The following RBFOX1 variants were observed in gnomAD, a reference collection of about 807,000 sequenced individuals.
The protein encoded by RBFOX1 is RNA binding protein fox-1 homolog 1.
A neutral mutation model predicts 57.7 loss-of-function variants in RBFOX1; 8 were observed. The observed-to-expected ratio is 0.14, with a 90% CI of 0.08 to 0.25. RBFOX1 has a LOEUF of 0.25. RBFOX1 is among the 10% of genes least tolerant of loss of function. RBFOX1 has a pLI of 1.00. For missense variants in RBFOX1, 611 were observed against 548.5 expected, an observed-to-expected ratio of 1.11 and a Z score of -1.14; for synonymous variants, 326 against 222.4, an observed-to-expected ratio of 1.47 and a Z score of -4.15.
At chr16:6,242,744 A>G (rs1352898479) in intron 1 of RBFOX1, among the ~76,000 whole-genome samples, 5 of 151,968 alleles carry the variant, frequency 3.3e-5, no homozygotes, top group Non-Finnish European at 7.4e-5. Flanking sequence ...AAACTAGGGA[A>G]GAGAGAGGTT....
intron 4 of RBFOX1, among the ~76,000 whole-genome samples, chr16:7,102,271 G>A (rs2062826608): frequency 6.6e-6 from 1 of 152,088 alleles, no homozygotes; most frequent in African/African-American, 2.4e-5. Context: ...CTTTGTATAG[G>A]AACTCCATTC....
chr16:7,660,608 G>C (rs934291318), intron 12 of RBFOX1, among the ~76,000 whole-genome samples: 3 of 152,318 alleles, frequency 2.0e-5, no homozygotes, highest in Middle Eastern at 3.4e-3. Context: ...CTGACCTTCA[G>C]TTTTGTCTCA....
chr16:6,280,591 A>ATG (rs770767560), intron 1 of RBFOX1, among the ~76,000 whole-genome samples: 2 of 152,154 alleles, frequency 1.3e-5, no homozygotes, highest in Non-Finnish European at 2.9e-5. Context: ...AGACAATGTA[A>ATG]TGTCGCAGTA....
intron 4 of RBFOX1, among the ~76,000 whole-genome samples, chr16:7,347,007 G>C (rs1368469886): frequency 6.6e-6 from 1 of 152,152 alleles, no homozygotes; most frequent in Admixed American, 6.6e-5. Flanking sequence ...AAAGAAAAAA[G>C]TCAAGCCAAG....
At chr16:7,019,695 G>T (rs543062813) in intron 3 of RBFOX1, among the ~76,000 whole-genome samples, 1 of 152,180 alleles carries the variant, frequency 6.6e-6, no homozygotes, top group African/African-American at 2.4e-5. Context: ...AAAAAAGTAA[G>T]GAAGTGAATC....
chr16:7,591,937 G>A (rs573791535), intron 7 of RBFOX1, among the ~76,000 whole-genome samples: 1 of 152,236 alleles, frequency 6.6e-6, no homozygotes, highest in Admixed American at 6.5e-5. Flanking sequence ...GTGCATCGTG[G>A]CAAAGGTTCC....
chr16:5,471,138 T>C (rs2069120919), intron 2 of RBFOX1, among the ~76,000 whole-genome samples: 1 of 152,178 alleles, frequency 6.6e-6, no homozygotes, highest in South Asian at 2.1e-4. Context: ...CCGGTCTGAT[T>C]GATTACTTTT....
At chr16:7,614,072 T>G (rs2058025296) in intron 10 of RBFOX1, among the ~76,000 whole-genome samples, 1 of 152,156 alleles carries the variant, frequency 6.6e-6, no homozygotes, top group African/African-American at 2.4e-5. Flanking sequence ...TCCAACACTT[T>G]CTCATACCCA....
chr16:5,965,915 G>C (rs1010865353), intron 4 of RBFOX1, among the ~76,000 whole-genome samples: 1 of 152,040 alleles, frequency 6.6e-6, no homozygotes. Context: ...GCTGATCCCT[G>C]AGATACCCTC....
At chr16:7,176,636 G>A (rs1232242031) in intron 4 of RBFOX1, among the ~76,000 whole-genome samples, 1 of 152,128 alleles carries the variant, frequency 6.6e-6, no homozygotes, top group East Asian at 1.9e-4. Flanking sequence ...GGGTGGCAAA[G>A]CCTGAAATAT....
At chr16:6,624,090 A>G (rs964167518) in intron 2 of RBFOX1, among the ~76,000 whole-genome samples, 2 of 152,174 alleles carry the variant, frequency 1.3e-5, no homozygotes, top group Non-Finnish European at 2.9e-5. Flanking sequence ...TTTCACAACT[A>G]CGTACCACAG....
chr16:5,243,483 G>A (rs2062220226), intron 1 of RBFOX1, among the ~76,000 whole-genome samples: 1 of 152,140 alleles, frequency 6.6e-6, no homozygotes, highest in Non-Finnish European at 1.5e-5. Flanking sequence ...AACACTTGGG[G>A]TGAGACCATT....
chr16:5,446,941 T>C (rs151292201), intron 1 of RBFOX1, among the ~76,000 whole-genome samples: 5 of 152,230 alleles, frequency 3.3e-5, no homozygotes, highest in African/African-American at 1.2e-4. Context: ...CAACATGGAT[T>C]ACTAACAACT....
At chr16:7,282,089 C>T (rs111511665) in intron 4 of RBFOX1, among the ~76,000 whole-genome samples, 72 of 152,174 alleles carry the variant, frequency 4.7e-4, no homozygotes, top group Non-Finnish European at 4.4e-4. Flanking sequence ...AGCTCAACTC[C>T]TGAGCTCAGG....
At chr16:6,791,253 C>G (rs1307608182) in intron 3 of RBFOX1, among the ~76,000 whole-genome samples, 1 of 152,122 alleles carries the variant, frequency 6.6e-6, no homozygotes, top group East Asian at 1.9e-4. Flanking sequence ...CTAGGAGATT[C>G]CAGCTGCCAT....
At chr16:7,539,059 T>A (rs954553455) in intron 5 of RBFOX1, among the ~76,000 whole-genome samples, 6 of 152,302 alleles carry the variant, frequency 3.9e-5, no homozygotes, top group Middle Eastern at 3.4e-3. Context: ...ATTTGCTATG[T>A]GCTATGTCTG....
intron 3 of RBFOX1, among the ~76,000 whole-genome samples, chr16:7,047,470 G>T (rs1161066697): frequency 6.6e-6 from 1 of 151,906 alleles, no homozygotes; most frequent in African/African-American, 2.4e-5. Flanking sequence ...GTTTGTCTCT[G>T]GTTGTTTTCA....
chr16:7,240,685 G>A (rs893881822), intron 4 of RBFOX1, among the ~76,000 whole-genome samples: 1 of 152,078 alleles, frequency 6.6e-6, no homozygotes, highest in Admixed American at 6.6e-5. Context: ...CTCCTGAGTA[G>A]CTAGGACTAG....
intron 1 of RBFOX1, among the ~76,000 whole-genome samples, chr16:6,230,639 G>T (rs747195686): frequency 6.6e-6 from 1 of 152,184 alleles, no homozygotes; most frequent in South Asian, 2.1e-4. Context: ...TGATGAGGGA[G>T]TGAGATTAGC....
Sources: allele counts gnomAD v4.1 joint callset (sites outside exome capture counted in the v4.1 genomes callset), GRCh38; gene constraint gnomAD v4.1.1; transcripts MANE v1.5; gene names NCBI Gene and HGNC (gene_info 2026-07-23, HGNC 2026-07-21).